CDH13: variants seen among roughly 807,000 people sequenced by gnomAD.
CDH13 encodes the protein cadherin-13.
A neutral mutation model predicts 63.8 loss-of-function variants in CDH13; 24 were observed. The observed-to-expected ratio is 0.38, with a 90% CI of 0.27 to 0.53. CDH13 has a LOEUF of 0.53. Ranked by LOEUF, CDH13 falls within the 20% of genes least tolerant of loss-of-function variation. CDH13 has a pLI of 0.85. For missense variants in CDH13, 1,049 were observed against 903.1 expected (o/e 1.16, Z -2.07); for synonymous variants, 503 against 355.3 (o/e 1.42, Z -4.67).
At chr16:83,332,172 A>T (rs2151904522) in intron 5 of CDH13, among the ~76,000 whole-genome samples, 2 of 152,104 alleles carry the variant, frequency 1.3e-5, no homozygotes, top group Non-Finnish European at 2.9e-5. Flanking sequence ...ATTTTTTTAC[A>T]GTTTTCTGTT....
At chr16:83,443,686 C>A (rs2151498686) in intron 6 of CDH13, among the ~76,000 whole-genome samples, 3 of 132,814 alleles carry the variant, frequency 2.3e-5, no homozygotes, top group South Asian at 2.4e-4. Flanking sequence ...GCCTGGGCAA[C>A]AGAGTGCGAA....
chr16:83,211,384 C>T (rs747774406), intron 4 of CDH13, among the ~76,000 whole-genome samples: 1 of 152,146 alleles, frequency 6.6e-6, no homozygotes, highest in Non-Finnish European at 1.5e-5. Context: ...TGAATACACA[C>T]ATATACACAT....
At chr16:83,051,815 C>G (rs542572853) in intron 3 of CDH13, among the ~76,000 whole-genome samples, 1 of 152,322 alleles carries the variant, frequency 6.6e-6, no homozygotes, top group African/African-American at 2.4e-5. Flanking sequence ...GTTCAAATCC[C>G]TGTAGGAAAC....
intron 2 of CDH13, among the ~76,000 whole-genome samples, chr16:83,030,318 G>A (rs1488896258): frequency 6.6e-6 from 1 of 152,028 alleles, no homozygotes; most frequent in South Asian, 2.1e-4. Flanking sequence ...CTATAACCCA[G>A]ATCTGCCAAA....
intron 7 of CDH13, among the ~76,000 whole-genome samples, chr16:83,579,244 C>T (rs1357799884): frequency 6.6e-6 from 1 of 152,136 alleles, no homozygotes; most frequent in Non-Finnish European, 1.5e-5. Flanking sequence ...AGTGAATCAC[C>T]CCAGGGAGAG....
intron 7 of CDH13, among the ~76,000 whole-genome samples, chr16:83,573,567 A>G (rs994213168): frequency 2.6e-5 from 4 of 152,186 alleles, no homozygotes; most frequent in Non-Finnish European, 4.4e-5. Context: ...TAACCTTGGG[A>G]TCCTACTTAA....
At position 82,627,157 on chromosome 16, in the gene CDH13, G is replaced by T. The variant is rs749424720; in HGVS notation, c.45+20G>T. ...TCCCAGGTAGGGAAGAGGGGCTGCC[G>T]GGCGCGCTCTGCGCCCCGTTTCTGC... On this transcript the variant is annotated intron_variant, in intron 1 of 13. Coordinates refer to ENST00000567109, the MANE Select transcript of CDH13 (RefSeq NM_001257.5). The T allele has an allele frequency of 1.3e-6, 2 of 1,597,130 alleles. No individual in the cohort carries two copies. Among genetic ancestry groups the T allele is most frequent in the Non-Finnish European group, 1.7e-6 (2 of 1,170,940 alleles).
At chr16:82,737,644 A>G (rs1161755215) in intron 1 of CDH13, among the ~76,000 whole-genome samples, 1 of 152,106 alleles carries the variant, frequency 6.6e-6, no homozygotes, top group East Asian at 1.9e-4. Flanking sequence ...GCTCTGTTTG[A>G]TTTTTGACTG....
chr16:83,132,955 C>T (rs191671351), intron 4 of CDH13, among the ~76,000 whole-genome samples: 1 of 152,266 alleles, frequency 6.6e-6, no homozygotes, highest in African/African-American at 2.4e-5. Flanking sequence ...TCCTGGGATA[C>T]ACCCTCTGTA....
intron 13 of CDH13, among the ~76,000 whole-genome samples, chr16:83,793,755 G>A (rs1020176707): frequency 4.6e-5 from 7 of 151,608 alleles, no homozygotes; most frequent in African/African-American, 1.7e-4. Flanking sequence ...GAGGTTGCAG[G>A]GAGCCAAGAT....
intron 11 of CDH13, among the ~76,000 whole-genome samples, chr16:83,765,459 T>A (rs1914306138): frequency 6.6e-6 from 1 of 152,172 alleles, no homozygotes; most frequent in East Asian, 1.9e-4. Context: ...TCAAGTATAG[T>A]ATACACGGAA....
intron 1 of CDH13, among the ~76,000 whole-genome samples, chr16:82,671,845 G>A (rs1913281462): frequency 6.6e-6 from 1 of 152,194 alleles, no homozygotes; most frequent in Non-Finnish European, 1.5e-5. Context: ...CCATGGGGCA[G>A]ATATGTCCAA....
intron 7 of CDH13, among the ~76,000 whole-genome samples, chr16:83,593,680 T>C (rs551213598): frequency 3.9e-5 from 6 of 152,292 alleles, no homozygotes; most frequent in Admixed American, 3.9e-4. Flanking sequence ...ATCATATTTA[T>C]GTAATAGTGG....
intron 2 of CDH13, among the ~76,000 whole-genome samples, chr16:82,937,744 T>C (rs555720968): frequency 1.3e-5 from 2 of 152,254 alleles, no homozygotes; most frequent in Non-Finnish European, 2.9e-5. Context: ...GCGTCCATAA[T>C]ATCTGTTTGT....
chr16:83,711,809 C>G (rs1422390009), intron 10 of CDH13, among the ~76,000 whole-genome samples: 1 of 152,260 alleles, frequency 6.6e-6, no homozygotes, highest in African/African-American at 2.4e-5. Context: ...AGCCACCACA[C>G]CCAGCTGGCC....
At chr16:82,681,566 C>T (rs1202608973) in intron 1 of CDH13, among the ~76,000 whole-genome samples, 2 of 152,234 alleles carry the variant, frequency 1.3e-5, no homozygotes, top group Non-Finnish European at 2.9e-5. Flanking sequence ...GCCTCTTACT[C>T]ATTTTCTGAG....
At chr16:82,905,878 G>C (rs1190848018) in intron 2 of CDH13, among the ~76,000 whole-genome samples, 1 of 152,180 alleles carries the variant, frequency 6.6e-6, no homozygotes, top group Non-Finnish European at 1.5e-5. Context: ...ACTGGCTACA[G>C]CATTGTACAG....
At chr16:83,412,110 G>A (rs1397761825) in intron 6 of CDH13, among the ~76,000 whole-genome samples, 1 of 152,192 alleles carries the variant, frequency 6.6e-6, no homozygotes, top group Non-Finnish European at 1.5e-5. Flanking sequence ...GACCACTTAA[G>A]AACGTGCTGA....
intron 1 of CDH13, among the ~76,000 whole-genome samples, chr16:82,856,112 C>T (rs1312398233): frequency 1.3e-5 from 2 of 152,040 alleles, no homozygotes; most frequent in African/African-American, 2.4e-5. Context: ...CACGGTGGCT[C>T]ACACCTGTAA....
Sources: gnomAD v4.1 joint callset for allele counts (sites outside exome capture counted in the v4.1 genomes callset) on GRCh38, gnomAD v4.1.1 for gene constraint, MANE v1.5 for transcripts, NCBI Gene and HGNC (gene_info 2026-07-23, HGNC 2026-07-21) for gene names.